The following CDH9 variants were observed in gnomAD, a reference collection of about 807,000 sequenced individuals.
The protein encoded by CDH9 is cadherin-9.
In CDH9, 28 loss-of-function variants were observed where a neutral mutation model predicts 70.9. The observed-to-expected ratio is 0.40, with a 90% CI of 0.29 to 0.54. The LOEUF (loss-of-function observed/expected upper bound fraction) is 0.54, where lower values mean the gene tolerates loss of function less well. Among genes scored for constraint, CDH9 ranks in the 20% least tolerant of loss-of-function variants. The pLI, the probability that CDH9 is intolerant of heterozygous loss-of-function variation, is 0.59. For missense variants in CDH9, 874 were observed against 984.4 expected (o/e 0.89, Z 1.50); for synonymous variants, 409 against 343.1 (o/e 1.19, Z -2.12).
intron 2 of CDH9, among the ~76,000 whole-genome samples, chr5:26,971,023 C>T (rs1212659226): frequency 1.3e-5 from 2 of 152,062 alleles, no homozygotes; most frequent in Non-Finnish European, 2.9e-5. Flanking sequence ...ATAGAAGGGG[C>T]CATTCTTATC....
chr5:27,018,762 G>T (rs1302201977), intron 1 of CDH9, among the ~76,000 whole-genome samples: 1 of 151,746 alleles, frequency 6.6e-6, no homozygotes, highest in Non-Finnish European at 1.5e-5. Context: ...TTCGTGTCAG[G>T]GTAGTACCTC....
intron 11 of CDH9, among the ~76,000 whole-genome samples, chr5:26,884,010 A>G (rs1041857811): frequency 3.9e-5 from 6 of 152,252 alleles, no homozygotes; most frequent in African/African-American, 1.4e-4. Context: ...ACTCAAAATA[A>G]CAATAAAGTG....
chr5:26,995,359 GT>G (rs1426649943), intron 1 of CDH9, among the ~76,000 whole-genome samples: 3 of 151,964 alleles, frequency 2.0e-5, no homozygotes, highest in African/African-American at 7.3e-5. Context: ...AACATTCAGG[GT>G]TTTTTTCCCC....
rs531059335 is a variant in CDH9 at position 27,018,634 on chromosome 5, T to G, written c.-50+19829A>C. Among the ~76,000 whole-genome samples, 15 of 152,106 alleles carry G rather than the reference T, an allele frequency of 9.9e-5. 1 individual carries two copies. The highest frequency in any genetic ancestry group is 6.8e-3 in the Middle Eastern group (2 of 294). The stretch of plus-strand genomic sequence containing the variant: ...AGATATTAAGCATTCCCTTTAATAA[T>G]GTATTTTTTTAATGTTGGTACCTCT... On this transcript the variant is annotated intron_variant, in intron 1 of 11. Transcript: ENST00000231021.
Position 27,014,404 on chromosome 5 carries a change from T to C in CDH9, c.-50+24059A>G, listed in dbSNP as rs1278714228. On this transcript the variant is annotated intron_variant, in intron 1 of 11. Coordinates refer to ENST00000231021, the MANE Select transcript of CDH9 (RefSeq NM_016279.4). ...CGAACTGTGGTTGACTATAGCTGTG[T>C]TCCTAGGGATCCTGTGAAAGCTGGA... Among the ~76,000 whole-genome samples the C allele has an allele frequency of 1.7e-4, 26 of 151,938 alleles. No homozygotes were observed. In the Admixed American group the frequency reaches 1.7e-3, roughly 10 times the overall value.
intron 3 of CDH9, among the ~76,000 whole-genome samples, chr5:26,913,874 A>T (rs1474626164): frequency 6.6e-6 from 1 of 152,052 alleles, no homozygotes; most frequent in South Asian, 2.1e-4. Context: ...GACAAAATAC[A>T]TTTGAATTAT....
chr5:26,881,485 A>G lies in CDH9; in HGVS notation c.2021T>C (p.Ile674Thr), dbSNP rs557769680. 1.9e-6 allele frequency: 3 copies of G among 1,613,800 alleles called. No homozygotes were observed. Among genetic ancestry groups the G allele is most frequent in the East Asian group, 2.2e-5 (1 of 44,870 alleles). Residue 674 changes from isoleucine to threonine, a missense_variant, in exon 12 of 12, where the codon ATT becomes ACT. Physicochemically the swap from Ile to Thr is moderately conservative, Grantham distance 89. Transcript: ENST00000231021. Reference sequence around the variant, plus strand: ...TGCCTCTGGATTCCTTAATGTGCCAATGTCAAAAGCTTGGGTATCTTCTTC... The same window carrying G: ...TGCCTCTGGATTCCTTAATGTGCCAGTGTCAAAAGCTTGGGTATCTTCTTC... The part of the protein sequence containing the change: ...GGEEDTQAFD[I>T]GTLRNPEARE...
chr5:27,025,860 G>A (rs1743212371), intron 1 of CDH9, among the ~76,000 whole-genome samples: 1 of 151,912 alleles, frequency 6.6e-6, no homozygotes, highest in South Asian at 2.1e-4. Context: ...AGAGTTGTAA[G>A]ATTGTGTCCT....
intron 1 of CDH9, among the ~76,000 whole-genome samples, chr5:26,996,731 T>C (rs2112100539): frequency 6.6e-6 from 1 of 151,588 alleles, no homozygotes; most frequent in South Asian, 2.1e-4. Context: ...TTAACATATA[T>C]ATCTATATCT....
chr5:26,984,885 C>G (rs944546486), intron 2 of CDH9, among the ~76,000 whole-genome samples: 1 of 152,066 alleles, frequency 6.6e-6, no homozygotes, highest in African/African-American at 2.4e-5. Context: ...CAAAAACTTG[C>G]TATTTATTCC....
In CDH9 at chr5:26,900,412, T is replaced by A. The variant is rs373721569; in HGVS notation, c.1253+2064A>T. On this transcript the variant is annotated intron_variant, in intron 7 of 11. Transcript: ENST00000231021. Reference sequence around the variant, plus strand: ...ACAAAACTATAGAAGGTATCTCTTATAAGCGTCATGCAAAAGTGACTAAGT... The same window carrying A: ...ACAAAACTATAGAAGGTATCTCTTAAAAGCGTCATGCAAAAGTGACTAAGT... 3.2e-4 allele frequency among the ~76,000 whole-genome samples: 48 copies of A among 152,200 alleles called. 1 individual carries two copies. Among genetic ancestry groups the A allele is most frequent in the African/African-American group, 1.1e-3 (44 of 41,558 alleles).
chr5:26,959,769 G>A (rs999954887), intron 2 of CDH9, among the ~76,000 whole-genome samples: 1 of 151,972 alleles, frequency 6.6e-6, no homozygotes, highest in Non-Finnish European at 1.5e-5. Flanking sequence ...CCTAATGTAT[G>A]ATTTTTTTAT....
At chr5:26,977,472 CGT>C (rs34242888) in intron 2 of CDH9, among the ~76,000 whole-genome samples, 45,266 of 141,520 alleles carry the variant, frequency 0.32, 7,671 homozygotes, top group Non-Finnish European at 0.39. Context: ...TATATGTGTG[CGT>C]GTGTGTGTGT....
chr5:26,978,657 C>T (rs1327910651), intron 2 of CDH9, among the ~76,000 whole-genome samples: 2 of 122,942 alleles, frequency 1.6e-5, no homozygotes, highest in African/African-American at 6.2e-5. Flanking sequence ...CAGTGAATTT[C>T]AAACAGAATT....
intron 1 of CDH9, among the ~76,000 whole-genome samples, chr5:27,018,949 T>G (rs1427453957): frequency 6.6e-6 from 1 of 152,006 alleles, no homozygotes; most frequent in Non-Finnish European, 1.5e-5. Context: ...TACATCATCT[T>G]TATTCCTTTG....
intron 2 of CDH9, among the ~76,000 whole-genome samples, chr5:26,930,937 A>G (rs1741451907): frequency 6.6e-6 from 1 of 152,142 alleles, no homozygotes; most frequent in Admixed American, 6.6e-5. Context: ...CATATTAGAT[A>G]TTAGCTTCAT....
chr5:26,896,846 C>CA (rs1055569272), intron 7 of CDH9, among the ~76,000 whole-genome samples: 58 of 151,244 alleles, frequency 3.8e-4, no homozygotes, highest in African/African-American at 8.0e-4. Flanking sequence ...GATAGAGACA[C>CA]AAAAAAACCC....
chr5:26,889,880 T>C lies in CDH9; in HGVS notation c.1468A>G (p.Met490Val). The C allele has an allele frequency of 1.2e-6, 2 of 1,602,576 alleles. No homozygotes were observed. Among genetic ancestry groups the C allele is most frequent in the South Asian group, 1.1e-5 (1 of 90,534 alleles). ...TCACAAACAAATGTTTCATAATACATGGCAAATTCCGGAGCATGGTCATTT... is the reference window on the plus strand; with the variant it reads ...TCACAAACAAATGTTTCATAATACACGGCAAATTCCGGAGCATGGTCATTT... Reference protein sequence around the residue: ...DINDHAPEFAMYYETFVCENA... With the variant: ...DINDHAPEFAVYYETFVCENA... Residue 490 changes from methionine (M) to valine (V), a missense_variant, in exon 9 of 12, where the codon ATG (methionine) becomes GTG (valine). Coordinates refer to ENST00000231021, the MANE Select transcript of CDH9 (RefSeq NM_016279.4).
chr5:27,024,844 A>G (rs1445227387), intron 1 of CDH9, among the ~76,000 whole-genome samples: 1 of 152,094 alleles, frequency 6.6e-6, no homozygotes, highest in Admixed American at 6.6e-5. Context: ...AGCTGAAAAC[A>G]TAGGGCTAGT....
Sources: allele counts gnomAD v4.1 joint callset (sites outside exome capture counted in the v4.1 genomes callset), GRCh38; gene constraint gnomAD v4.1.1; transcripts MANE v1.5; gene names NCBI Gene and HGNC (gene_info 2026-07-23, HGNC 2026-07-21).